The following RBMS3 variants were observed in gnomAD, a reference collection of about 807,000 sequenced individuals.
The protein encoded by RBMS3 is RNA binding motif single stranded interacting protein 3, also known as RNA-binding motif, single-stranded-interacting protein 3.
A neutral mutation model predicts 66.8 loss-of-function variants in RBMS3; 27 were observed. That is an observed-to-expected ratio of 0.40 (90% confidence interval 0.30 to 0.56). The LOEUF (loss-of-function observed/expected upper bound fraction) is 0.56. Among genes scored for constraint, RBMS3 ranks in the 20% least tolerant of loss-of-function variants. The pLI is 0.40. For missense variants in RBMS3, 513 were observed against 549.5 expected (o/e 0.93, Z 0.66); for synonymous variants, 188 against 183.0 (o/e 1.03, Z -0.22).
chr3:29,764,130 A>T (rs1576734882), intron 6 of RBMS3, among the ~76,000 whole-genome samples: 1 of 149,822 alleles, frequency 6.7e-6, no homozygotes, highest in Non-Finnish European at 1.5e-5. Context: ...TTAAGGGGGG[A>T]TGTCAAGAAT....
chr3:29,349,898 G>A (rs1328157106), intron 1 of RBMS3, among the ~76,000 whole-genome samples: 1 of 152,082 alleles, frequency 6.6e-6, no homozygotes, highest in African/African-American at 2.4e-5. Flanking sequence ...GGTGACTCAC[G>A]CTTGTAATCC....
At chr3:29,333,586 A>G (rs1268527763) in intron 1 of RBMS3, among the ~76,000 whole-genome samples, 1 of 152,146 alleles carries the variant, frequency 6.6e-6, no homozygotes, top group Non-Finnish European at 1.5e-5. Flanking sequence ...AATTAAGGTG[A>G]TTTAGTATAG....
At chr3:29,732,964 G>T (rs912512786) in intron 4 of RBMS3, among the ~76,000 whole-genome samples, 1 of 151,858 alleles carries the variant, frequency 6.6e-6, no homozygotes, top group Non-Finnish European at 1.5e-5. Flanking sequence ...TAAAATATAG[G>T]ACCCAGTTTT....
At chr3:29,350,762 T>A (rs1310316438) in intron 1 of RBMS3, among the ~76,000 whole-genome samples, 1 of 152,096 alleles carries the variant, frequency 6.6e-6, no homozygotes, top group Non-Finnish European at 1.5e-5. Context: ...TTTCTTTTAA[T>A]GTTAAGGAAT....
At chr3:29,666,122 A>T (rs1383869429) in intron 4 of RBMS3, among the ~76,000 whole-genome samples, 1 of 152,172 alleles carries the variant, frequency 6.6e-6, no homozygotes. Context: ...TATTCTCCCG[A>T]ATATCCATTT....
At chr3:29,898,170 T>G (rs1029009485) in intron 9 of RBMS3, among the ~76,000 whole-genome samples, 3 of 151,704 alleles carry the variant, frequency 2.0e-5, no homozygotes, top group Non-Finnish European at 4.4e-5. Context: ...GTTTTATTCC[T>G]CTGAGTTATT....
chr3:29,539,097 T>C lies in RBMS3; in HGVS notation c.308-48017T>C, dbSNP rs201299389. Among the ~76,000 whole-genome samples the C allele has an allele frequency of 2.6e-5, 4 of 152,210 alleles. No homozygotes were observed. In the East Asian group the frequency reaches 7.7e-4, roughly 29 times the overall value. ...AAATTATAACTGAAGTCTGGGCTTC[T>C]GACTCAGTTCCATTCTGCATACACT... On this transcript the variant is annotated intron_variant, in intron 3 of 14. Coordinates refer to ENST00000383767, the MANE Select transcript of RBMS3 (RefSeq NM_001003793.3).
intron 1 of RBMS3, among the ~76,000 whole-genome samples, chr3:29,346,598 T>G (rs1327455339): frequency 6.6e-6 from 1 of 151,914 alleles, no homozygotes; most frequent in African/African-American, 2.4e-5. Flanking sequence ...GAGATGGGGT[T>G]TCAACAGGTT....
At chr3:29,746,826 G>C (rs1196320216) in intron 5 of RBMS3, among the ~76,000 whole-genome samples, 1 of 152,118 alleles carries the variant, frequency 6.6e-6, no homozygotes, top group Non-Finnish European at 1.5e-5. Flanking sequence ...ATCTAACAAA[G>C]GAGATACAAT....
intron 6 of RBMS3, among the ~76,000 whole-genome samples, chr3:29,787,579 G>C (rs1213008601): frequency 5.3e-5 from 8 of 152,168 alleles, no homozygotes; most frequent in Admixed American, 5.2e-4. Context: ...ATTATTCTAA[G>C]TAACTCAGGA....
At chr3:29,282,222 A>G (rs540406733) in intron 1 of RBMS3, among the ~76,000 whole-genome samples, 2 of 152,262 alleles carry the variant, frequency 1.3e-5, no homozygotes, top group South Asian at 2.1e-4. Flanking sequence ...CGCAGGGTAT[A>G]GAATGAAAGA....
intron 4 of RBMS3, among the ~76,000 whole-genome samples, chr3:29,702,862 C>G (rs1390870815): frequency 6.6e-6 from 1 of 152,204 alleles, no homozygotes; most frequent in East Asian, 1.9e-4. Flanking sequence ...AACTGTAACA[C>G]TCACCGCGAG....
intron 3 of RBMS3, among the ~76,000 whole-genome samples, chr3:29,538,539 G>A (rs1056076337): frequency 2.0e-5 from 3 of 152,218 alleles, no homozygotes; most frequent in Non-Finnish European, 4.4e-5. Context: ...TCTAAAAGAT[G>A]TTCTTAATTT....
At chr3:29,670,979 C>T (rs79868784) in intron 4 of RBMS3, among the ~76,000 whole-genome samples, 1 of 152,136 alleles carries the variant, frequency 6.6e-6, no homozygotes, top group Admixed American at 6.5e-5. Context: ...CCCCAAGTAG[C>T]CTAACTGGGA....
intron 6 of RBMS3, among the ~76,000 whole-genome samples, chr3:29,810,138 CTTA>C (rs1266181782): frequency 6.6e-6 from 1 of 151,820 alleles, no homozygotes; most frequent in Non-Finnish European, 1.5e-5. Context: ...TATTTTCATC[CTTA>C]TTATAATTTG....
At chr3:29,534,681 G>A (rs757980073) in intron 3 of RBMS3, among the ~76,000 whole-genome samples, 36 of 152,128 alleles carry the variant, frequency 2.4e-4, no homozygotes, top group Admixed American at 6.5e-4. Flanking sequence ...TAGCAGTGGG[G>A]ATTTAGAATA....
intron 5 of RBMS3, among the ~76,000 whole-genome samples, chr3:29,750,771 T>C: frequency 6.6e-6 from 1 of 152,174 alleles, no homozygotes; most frequent in East Asian, 1.9e-4. Context: ...ACAGCATTTC[T>C]TATTTGACAA....
chr3:29,615,159 G>T (rs1043673781), intron 4 of RBMS3: 1 of 152,426 alleles, frequency 6.6e-6, no homozygotes, highest in Non-Finnish European at 1.5e-5. Context: ...AGATTTTCCT[G>T]CCACATTTTG....
chr3:29,444,368 A>T (rs78485613), intron 2 of RBMS3, among the ~76,000 whole-genome samples: 27,468 of 152,028 alleles, frequency 0.18, 2,598 homozygotes, highest in Middle Eastern at 0.23. Context: ...CTTTAAATTA[A>T]TAAGTTTTGT....
Sources: gnomAD v4.1 joint callset for allele counts (sites outside exome capture counted in the v4.1 genomes callset) on GRCh38, gnomAD v4.1.1 for gene constraint, MANE v1.5 for transcripts, NCBI Gene and HGNC (gene_info 2026-07-23, HGNC 2026-07-21) for gene names.